The following IGSF21 variants were observed in gnomAD, a reference collection of about 807,000 sequenced individuals.
IGSF21 encodes the protein immunoglobin superfamily member 21, also known as immunoglobulin superfamily member 21.
A neutral mutation model predicts 46.8 loss-of-function variants in IGSF21; 28 were observed. The observed-to-expected ratio is 0.60, with a 90% CI of 0.44 to 0.82. IGSF21 has a LOEUF of 0.82. Among genes scored for constraint, IGSF21 ranks in the 40% least tolerant of loss-of-function variants. The pLI is 0.00. For missense variants in IGSF21, 624 were observed against 665.5 expected, an observed-to-expected ratio of 0.94 and a Z score of 0.69; for synonymous variants, 284 against 273.6, an observed-to-expected ratio of 1.04 and a Z score of -0.38.
At chr1:18,192,730 A>G (rs554150088) in intron 1 of IGSF21, among the ~76,000 whole-genome samples, 199 of 152,282 alleles carry the variant, frequency 1.3e-3, no homozygotes, top group Non-Finnish European at 9.8e-4. Flanking sequence ...CTTGGTGGAC[A>G]ATAGCCAGTT....
chr1:18,179,068 C>G (rs2086831576), intron 1 of IGSF21: 1 of 152,316 alleles, frequency 6.6e-6, no homozygotes. Flanking sequence ...ATGGAGGCAG[C>G]AGGTGTCCTG....
intron 3 of IGSF21, among the ~76,000 whole-genome samples, chr1:18,330,586 G>A (rs1216627891): frequency 1.4e-5 from 1 of 72,826 alleles, no homozygotes; most frequent in East Asian, 5.5e-4. Flanking sequence ...GAAGGTGGGA[G>A]ACATGGCTGG....
rs888724889 is a variant in IGSF21 at position 18,290,866 on chromosome 1, G to C, written c.184-1000G>C. Among the ~76,000 whole-genome samples the C allele has an allele frequency of 1.3e-5, 2 of 151,388 alleles. No homozygotes were observed. The highest frequency in any genetic ancestry group is 2.9e-5 in the Non-Finnish European group (2 of 67,928). On this transcript the variant is annotated intron_variant, in intron 2 of 9. Transcript: ENST00000251296. The surrounding 1 kb of genome is among the most constrained non-coding windows in gnomAD (Gnocchi z 4.2). Reference sequence around the variant, plus strand: ...CTTTCCCCGCTGCCTCCACCACACAGAGCCGCAGGGAGCTAATTCCACTTC... The same window carrying C: ...CTTTCCCCGCTGCCTCCACCACACACAGCCGCAGGGAGCTAATTCCACTTC...
chr1:18,253,251 G>T (rs1209571132), intron 2 of IGSF21, among the ~76,000 whole-genome samples: 1 of 152,168 alleles, frequency 6.6e-6, no homozygotes, highest in East Asian at 1.9e-4. Flanking sequence ...TGCCCAGAGG[G>T]CCAGGGGGGG....
At chr1:18,125,201 G>T (rs756890015) in intron 1 of IGSF21, among the ~76,000 whole-genome samples, 1 of 152,196 alleles carries the variant, frequency 6.6e-6, no homozygotes, top group Admixed American at 6.5e-5. Context: ...CATGTGGTTC[G>T]AACTCTGCGG....
At chr1:18,228,059 G>C (rs745547968) in intron 2 of IGSF21, 49 bp downstream of exon 2, 2 of 1,373,364 alleles carry the variant, frequency 1.5e-6, no homozygotes, top group Non-Finnish European at 2.1e-6. Flanking sequence ...GGACTGGTGT[G>C]AGGTCCTCAG....
At chr1:18,341,327 A>C (rs753046471) in intron 4 of IGSF21, among the ~76,000 whole-genome samples, 1 of 152,050 alleles carries the variant, frequency 6.6e-6, no homozygotes, top group Non-Finnish European at 1.5e-5. Flanking sequence ...GTGTGACCTC[A>C]TCTTACCTTT....
rs527276674 is a variant in IGSF21 at position 18,131,451 on chromosome 1, C to T, written c.70+23253C>T. Reference sequence around the variant, plus strand: ...CTGTGTGATGCTGGGCAAGTTACTTCACATCTCTGATGTTATGACAATTAA... The same window carrying T: ...CTGTGTGATGCTGGGCAAGTTACTTTACATCTCTGATGTTATGACAATTAA... On this transcript the variant is annotated intron_variant, in intron 1 of 9. Coordinates refer to ENST00000251296, the MANE Select transcript of IGSF21 (RefSeq NM_032880.5). 5.4e-4 allele frequency among the ~76,000 whole-genome samples: 82 copies of T among 152,326 alleles called. 1 individual carries two copies. The highest frequency in any genetic ancestry group is 5.6e-4 in the Non-Finnish European group (38 of 68,034).
At chr1:18,251,767 A>G (rs76122123) in intron 2 of IGSF21, among the ~76,000 whole-genome samples, 3,674 of 152,208 alleles carry the variant, frequency 0.024, 70 homozygotes, top group Middle Eastern at 0.12. Flanking sequence ...CCTGACTAGG[A>G]GAGCTAAGAG....
chr1:18,230,987 TGCTTCCCGTCCCA>T (rs1418770874), intron 2 of IGSF21, among the ~76,000 whole-genome samples: 1 of 151,946 alleles, frequency 6.6e-6, no homozygotes, highest in African/African-American at 2.4e-5. Flanking sequence ...TACGTGTGTT[TGCTTCCCGTCCCA>T]GCTTCCTTTC....
intron 2 of IGSF21, among the ~76,000 whole-genome samples, chr1:18,232,149 C>T (rs2084633684): frequency 6.7e-6 from 1 of 149,180 alleles, no homozygotes; most frequent in Non-Finnish European, 1.5e-5. Context: ...ATGGGTTCAT[C>T]TCCCAGATTT....
At chr1:18,155,254 C>T (rs542977599) in intron 1 of IGSF21, among the ~76,000 whole-genome samples, 5 of 152,266 alleles carry the variant, frequency 3.3e-5, no homozygotes, top group South Asian at 2.1e-4. Context: ...GCACCCAGCA[C>T]GGGATGGGAC....
intron 1 of IGSF21, among the ~76,000 whole-genome samples, chr1:18,146,013 TTGGCACTGACCC>T (rs2086464048): frequency 6.6e-6 from 1 of 152,140 alleles, no homozygotes; most frequent in Non-Finnish European, 1.5e-5. Context: ...AAGAGTGGGC[TTGGCACTGACCC>T]TGGCTCTGCT....
intron 1 of IGSF21, among the ~76,000 whole-genome samples, chr1:18,165,587 T>C (rs1021295534): frequency 2.0e-5 from 3 of 152,220 alleles, no homozygotes; most frequent in African/African-American, 7.2e-5. Context: ...AAGAGTAAAG[T>C]AGAGGTTCTT....
chr1:18,293,804 C>G (rs772842041), intron 3 of IGSF21, among the ~76,000 whole-genome samples: 2 of 152,210 alleles, frequency 1.3e-5, no homozygotes, highest in African/African-American at 2.4e-5. Flanking sequence ...TCTTTCCTCA[C>G]CAAGCCACCC....
intron 1 of IGSF21, among the ~76,000 whole-genome samples, chr1:18,156,132 C>A (rs2086566352): frequency 1.3e-5 from 2 of 152,164 alleles, no homozygotes; most frequent in Non-Finnish European, 2.9e-5. Flanking sequence ...TTCACCTGGA[C>A]TTGTGTAGCC....
chr1:18,286,984 A>G (rs1411027923), intron 2 of IGSF21, among the ~76,000 whole-genome samples: 1 of 151,868 alleles, frequency 6.6e-6, no homozygotes, highest in Non-Finnish European at 1.5e-5. Context: ...GATCGAGACC[A>G]TCCCGGCTAA....
chr1:18,372,854 ATGGATGGATGGG>A (rs1221525132), intron 6 of IGSF21, among the ~76,000 whole-genome samples: 45 of 90,428 alleles, frequency 5.0e-4, no homozygotes, highest in Middle Eastern at 0.011. Context: ...GGATGGATGG[ATGGATGGATGGG>A]TGGATGGATG....
At position 18,108,188 on chromosome 1, in the gene IGSF21, C is replaced by A; in HGVS notation, c.60C>A (p.Asp20Glu). Residue 20 changes from aspartate to glutamate, a missense_variant, in exon 1 of 10, where the codon GAC (aspartate) becomes GAA (glutamate). Asp to Glu is a conservative substitution (Grantham distance 45). Transcript: ENST00000251296. ...CVCLLLAAIL[D>E]LARGYLTVNI... ...GCCTGCTGCTCGCCGCGATCCTGGA[C>A]CTGGCGCGCGGTGAGTGCGCGGGCG... 7.0e-7 allele frequency: 1 copy of A among 1,438,626 alleles called. No individual in the cohort carries two copies. 89.1% of individuals were successfully genotyped at this position (1,438,626 alleles called of 1,614,324 possible).
Sources: allele counts gnomAD v4.1 joint callset (sites outside exome capture counted in the v4.1 genomes callset), GRCh38; gene constraint gnomAD v4.1.1; non-coding constraint Gnocchi (gnomAD v3.1); transcripts MANE v1.5; gene names NCBI Gene and HGNC (gene_info 2026-07-23, HGNC 2026-07-21).